Variants in PARD3 observed in about 807,000 individuals in gnomAD.
PARD3 encodes partitioning defective 3 homolog.
PARD3 carries 75 observed loss-of-function variants against 155.4 expected under a neutral mutation model. The observed-to-expected ratio is 0.48, with a 90% CI of 0.40 to 0.58. PARD3 has a LOEUF of 0.58. PARD3 is among the 20% of genes least tolerant of loss of function. PARD3 has a pLI of 0.00. For synonymous variants in PARD3, 576 were observed against 610.5 expected, an observed-to-expected ratio of 0.94 and a Z score of 0.83; for missense variants, 1,642 against 1,721.7, an observed-to-expected ratio of 0.95 and a Z score of 0.82.
At chr10:34,292,775 T>A (rs1956736868) in intron 20 of PARD3, among the ~76,000 whole-genome samples, 1 of 152,110 alleles carries the variant, frequency 6.6e-6, no homozygotes, top group Non-Finnish European at 1.5e-5. Flanking sequence ...AGAACAATCT[T>A]TAAATGTGCA....
chr10:34,447,296 A>G (rs553400108), intron 5 of PARD3, among the ~76,000 whole-genome samples: 15 of 151,982 alleles, frequency 9.9e-5, no homozygotes, highest in African/African-American at 2.7e-4. Context: ...CCTGGCCAAC[A>G]TGGTGAAACC....
intron 1 of PARD3, among the ~76,000 whole-genome samples, chr10:34,713,004 C>T (rs7920227): frequency 0.57 from 86,212 of 151,854 alleles, 25,906 homozygotes; most frequent in Non-Finnish European, 0.67. Flanking sequence ...AAGTCAGGAG[C>T]TCGAGACCAG....
At position 34,470,081 on chromosome 10, in the gene PARD3, T is replaced by C; in HGVS notation, c.582+4A>G. The C allele has an allele frequency of 1.3e-6, 2 of 1,588,926 alleles. No individual in the cohort carries two copies. The highest frequency in any genetic ancestry group is 8.6e-7 in the Non-Finnish European group (1 of 1,166,906). On this transcript the variant is annotated splice_donor_region_variant and intron_variant, in intron 4 of 24. Coordinates refer to ENST00000374788, the MANE Select transcript of PARD3 (RefSeq NM_001184785.2). ...GACAGCAGCAAACAAGCAGAGGTGGTTACCTTCCTGTCGCAGGTTTTAGGA... is the reference window on the plus strand; with the variant it reads ...GACAGCAGCAAACAAGCAGAGGTGGCTACCTTCCTGTCGCAGGTTTTAGGA...
intron 1 of PARD3, among the ~76,000 whole-genome samples, chr10:34,792,790 G>A (rs1841824514): frequency 6.6e-6 from 1 of 152,240 alleles, no homozygotes; most frequent in Non-Finnish European, 1.5e-5. Flanking sequence ...CAAAGAAGGA[G>A]ACTGCAGAAA....
chr10:34,236,574 T>C (rs942083445), intron 22 of PARD3, among the ~76,000 whole-genome samples: 6 of 152,182 alleles, frequency 3.9e-5, no homozygotes, highest in African/African-American at 1.4e-4. Context: ...GTTTTTCCTG[T>C]TTGGTATTAT....
chr10:34,716,646 G>T (rs1337254881), intron 1 of PARD3, among the ~76,000 whole-genome samples: 1 of 138,490 alleles, frequency 7.2e-6, no homozygotes, highest in Non-Finnish European at 1.5e-5. Context: ...AGGCTAGAGT[G>T]CAATGGTGCA....
At chr10:34,167,906 G>C (rs1949608648) in intron 22 of PARD3, among the ~76,000 whole-genome samples, 1 of 152,018 alleles carries the variant, frequency 6.6e-6, no homozygotes, top group Non-Finnish European at 1.5e-5. Context: ...AATATCCACT[G>C]ACCCTATGTC....
chr10:34,281,334 G>T (rs967284767), intron 21 of PARD3, among the ~76,000 whole-genome samples: 1 of 152,072 alleles, frequency 6.6e-6, no homozygotes, highest in African/African-American at 2.4e-5. Flanking sequence ...GAAAAAATAG[G>T]GTACCTAGGT....
chr10:34,168,775 C>G (rs1261096940), intron 22 of PARD3, among the ~76,000 whole-genome samples: 2 of 152,156 alleles, frequency 1.3e-5, no homozygotes, highest in Non-Finnish European at 2.9e-5. Context: ...TTTTCAACAC[C>G]AAAATTCCCA....
At chr10:34,254,701 C>T (rs565354929) in intron 22 of PARD3, among the ~76,000 whole-genome samples, 6 of 152,226 alleles carry the variant, frequency 3.9e-5, no homozygotes, top group African/African-American at 1.2e-4. Flanking sequence ...ATTCTTATCA[C>T]TCTGTACACA....
At chr10:34,324,299 G>A (rs544357855) in intron 19 of PARD3, among the ~76,000 whole-genome samples, 10 of 152,274 alleles carry the variant, frequency 6.6e-5, no homozygotes, top group Admixed American at 2.6e-4. Context: ...TGAGTGATCC[G>A]CAAAAATTTC....
chr10:34,383,122 C>G (rs16935346), intron 8 of PARD3, among the ~76,000 whole-genome samples, 200 bp from the exon 9 acceptor site: 7,061 of 152,244 alleles, frequency 0.046, 187 homozygotes, highest in Middle Eastern at 0.068. Context: ...ATAAATTTCT[C>G]ATTCTCTCAA....
At chr10:34,123,901 A>G (rs1947139221) in intron 23 of PARD3, among the ~76,000 whole-genome samples, 1 of 152,208 alleles carries the variant, frequency 6.6e-6, no homozygotes, top group Non-Finnish European at 1.5e-5. Context: ...TACTAATTAG[A>G]ACTAGGTAAT....
chr10:34,762,582 TA>T (rs1837600547), intron 1 of PARD3, among the ~76,000 whole-genome samples: 2 of 151,308 alleles, frequency 1.3e-5, no homozygotes, highest in African/African-American at 2.4e-5. Flanking sequence ...GTGCTAGGAT[TA>T]AAGGTGTGAA....
At chr10:34,802,543 G>A (rs1842919814) in intron 1 of PARD3, among the ~76,000 whole-genome samples, 1 of 152,152 alleles carries the variant, frequency 6.6e-6, no homozygotes, top group South Asian at 2.1e-4. Flanking sequence ...CAGACTTACA[G>A]AGCTTGTATT....
chr10:34,224,869 A>G lies in PARD3; in HGVS notation c.3419+44788T>C, dbSNP rs556189011. Among the ~76,000 whole-genome samples the G allele has an allele frequency of 5.9e-5, 9 of 152,292 alleles. No individual in the cohort carries two copies. The South Asian group carries it at 1.2e-3, about 21-fold the overall frequency. On this transcript the variant is annotated intron_variant, in intron 22 of 24. Transcript: ENST00000374788. ...AATCAGTGTCCCTTTTTATATGTCTATCTCAAAAAGCTACAAAGCAGTCTA... is the reference window on the plus strand; with the variant it reads ...AATCAGTGTCCCTTTTTATATGTCTGTCTCAAAAAGCTACAAAGCAGTCTA...
chr10:34,626,163 A>G (rs984342774), intron 2 of PARD3, among the ~76,000 whole-genome samples: 1 of 152,242 alleles, frequency 6.6e-6, no homozygotes, highest in African/African-American at 2.4e-5. Flanking sequence ...ACCTGTAAAC[A>G]TTGGAATTAC....
At position 34,154,842 on chromosome 10, in the gene PARD3, T is replaced by C. The variant is rs556797580; in HGVS notation, c.3420-23259A>G. Among the ~76,000 whole-genome samples the C allele has an allele frequency of 2.0e-5, 3 of 152,300 alleles. No homozygotes were observed. The East Asian group carries it at 5.8e-4, about 29-fold the overall frequency. On this transcript the variant is annotated intron_variant, in intron 22 of 24. Transcript: ENST00000374788. ...TTCCCGGTTAATTTGGGAAGACTGA[T>C]TGAGACTTAGAACTACTATAAACAT...
chr10:34,463,846 T>C lies in PARD3; in HGVS notation c.582+6239A>G, dbSNP rs375168116. Among the ~76,000 whole-genome samples the C allele has an allele frequency of 3.9e-5, 6 of 152,306 alleles. No homozygotes were observed. In the East Asian group the frequency reaches 5.8e-4, roughly 15 times the overall value. On this transcript the variant is annotated intron_variant, in intron 4 of 24. Transcript: ENST00000374788. ...ACACAAATATCTAAATATGAATGCA[T>C]TGTGTCCCAGCTGTGTATTCAGTAT...
Sources: gnomAD v4.1 joint callset for allele counts (sites outside exome capture counted in the v4.1 genomes callset) on GRCh38, gnomAD v4.1.1 for gene constraint, MANE v1.5 for transcripts, NCBI Gene and HGNC (gene_info 2026-07-23, HGNC 2026-07-21) for gene names.